HMCN1: variants seen among roughly 807,000 people sequenced by gnomAD.
HMCN1 encodes hemicentin 1.
In HMCN1, 321 loss-of-function variants were observed where a neutral mutation model predicts 625.9. The ratio of observed to expected loss-of-function variants is 0.51; its 90% CI spans 0.47 to 0.56. The LOEUF (loss-of-function observed/expected upper bound fraction) is 0.56, where lower values mean the gene tolerates loss of function less well. Among genes scored for constraint, HMCN1 ranks in the 20% least tolerant of loss-of-function variants. HMCN1 has a pLI of 0.00. For synonymous variants in HMCN1, 2,425 were observed against 2,417.6 expected, an observed-to-expected ratio of 1.00 and a Z score of -0.09; for missense variants, 6,588 against 6,887.3, an observed-to-expected ratio of 0.96 and a Z score of 1.54.
At chr1:185,829,611 G>C (rs1203932369) in intron 1 of HMCN1, among the ~76,000 whole-genome samples, 2 of 152,146 alleles carry the variant, frequency 1.3e-5, no homozygotes, top group Non-Finnish European at 2.9e-5. Context: ...TGGCTGCATA[G>C]TATTCCATGG....
At chr1:186,061,391 T>C (rs938652581) in intron 46 of HMCN1, among the ~76,000 whole-genome samples, 2 of 152,102 alleles carry the variant, frequency 1.3e-5, no homozygotes, top group Admixed American at 6.6e-5. Context: ...GAGAACAGCA[T>C]GTGGGAAACC....
Position 185,909,489 on chromosome 1 carries a change from T to A in HMCN1, c.774T>A (p.Ile258=). The A allele has an allele frequency of 3.1e-6, 5 of 1,613,402 alleles. No individual in the cohort carries two copies. The South Asian group carries it at 5.5e-5, about 18-fold the overall frequency. ...CTTTGAGTGGGCCTTCTCCAATGAT[T>A]GAAATTCGCAATCCTTTAGGTGAGA... ...TVSLSGPSPM[I]EIRNPLGKLI... is the part of the protein sequence containing the mutation. The change falls in exon 5 of 107, where the codon ATT becomes ATA. Residue 258 remains isoleucine, a synonymous_variant. Transcript: ENST00000271588.
chr1:185,887,676 A>C (rs1449906460), intron 4 of HMCN1, among the ~76,000 whole-genome samples: 1 of 144,510 alleles, frequency 6.9e-6, no homozygotes, highest in Admixed American at 6.7e-5. Context: ...CATGGTGTAT[A>C]TGTGCCACAT....
At chr1:185,811,316 A>C (rs1290367018) in intron 1 of HMCN1, among the ~76,000 whole-genome samples, 1 of 152,080 alleles carries the variant, frequency 6.6e-6, no homozygotes, top group East Asian at 1.9e-4. Context: ...TAATACATTG[A>C]TATAGGGCCA....
chr1:186,129,978 G>A lies in HMCN1; in HGVS notation c.12917G>A (p.Ser4306Asn), dbSNP rs745833239. 2.5e-6 allele frequency: 4 copies of A among 1,612,974 alleles called. No individual in the cohort carries two copies. Among genetic ancestry groups the A allele is most frequent in the African/African-American group, 2.7e-5 (2 of 74,968 alleles). Residue 4306 changes from serine to asparagine, a missense_variant, in exon 84 of 107, where the codon AGT (serine) becomes AAT (asparagine). Physicochemically the swap from Ser to Asn is conservative, Grantham distance 46. Transcript: ENST00000271588. Reference protein sequence around the residue: ...NNNIIPAHFDSVNGHSELVIE... With the variant: ...NNNIIPAHFDNVNGHSELVIE... ...TTGTTTCCCTCAGCCCACTTTGACA[G>A]TGTGAATGGACACAGTGAACTTGTT...
At chr1:186,107,155 G>A (rs1024904893) in intron 70 of HMCN1, among the ~76,000 whole-genome samples, 190 bp downstream of exon 70, 11 of 151,810 alleles carry the variant, frequency 7.2e-5, no homozygotes, top group Non-Finnish European at 8.8e-5. Context: ...GCACTATCTC[G>A]GCTCACTGCA....
intron 88 of HMCN1, 57 bp downstream of exon 88, chr1:186,137,725 T>C: frequency 6.2e-7 from 1 of 1,613,890 alleles, no homozygotes; most frequent in Non-Finnish European, 8.5e-7. Context: ...ATTTCTGTCT[T>C]CTACCTATGG....
chr1:186,103,626 A>T lies in HMCN1; in HGVS notation c.10728A>T (p.Gln3576His), dbSNP rs1046434113. ...GRPLPQTDQV[Q>H]TLGGGEVLRI... ...CCCTTCCACAGACGGATCAAGTGCA[A>T]ACTCTAGGAGGAGGAGAGGTTCTTC... Residue 3576 changes from glutamine to histidine, a missense_variant, in exon 69 of 107, where the codon CAA becomes CAT. By Grantham distance (24) the Gln-to-His change is conservative. Coordinates refer to ENST00000271588, the MANE Select transcript of HMCN1 (RefSeq NM_031935.3). 1.9e-6 allele frequency: 3 copies of T among 1,613,734 alleles called. No individual in the cohort carries two copies. The African/African-American group carries it at 4.0e-5, about 22-fold the overall frequency.
chr1:186,015,924 T>C, intron 31 of HMCN1, 34 bp from the exon 32 acceptor site: 1 of 1,591,622 alleles, frequency 6.3e-7, no homozygotes, highest in Non-Finnish European at 8.6e-7. Flanking sequence ...ACCACACAAA[T>C]AATTGCCTGA....
At chr1:186,162,058 A>T (rs925975922) in intron 97 of HMCN1, among the ~76,000 whole-genome samples, 1 of 152,194 alleles carries the variant, frequency 6.6e-6, no homozygotes, top group Non-Finnish European at 1.5e-5. Context: ...AGGTACACCA[A>T]TCAGACGTAG....
intron 11 of HMCN1, among the ~76,000 whole-genome samples, chr1:185,948,501 G>T (rs1362978717): frequency 9.3e-5 from 14 of 151,120 alleles, no homozygotes; most frequent in Admixed American, 7.9e-4. Flanking sequence ...CTCAGTGGGG[G>T]TGCTTTTTGA....
intron 33 of HMCN1, among the ~76,000 whole-genome samples, chr1:186,017,303 AT>A (rs750087817): frequency 2.0e-4 from 31 of 152,170 alleles, no homozygotes; most frequent in Non-Finnish European, 2.9e-4. Context: ...GAAATTACAA[AT>A]TTTGAGGAAT....
rs749198480 is a variant in HMCN1 at position 186,062,602 on chromosome 1, T to A, written c.7513+2T>A. On this transcript the variant is annotated splice_donor_variant, in intron 48 of 106. Coordinates refer to ENST00000271588, the MANE Select transcript of HMCN1 (RefSeq NM_031935.3). LOFTEE classifies it high-confidence loss of function. ...TTACGCTGACTTGTGAAGTGACAGG[T>A]ATGGGCTCAGCTCTCAGACTTTTGG... is the stretch of plus-strand genomic sequence containing the variant. 2 of 1,600,448 alleles carry A rather than the reference T, an allele frequency of 1.2e-6. No homozygotes were observed. The highest frequency in any genetic ancestry group is 1.7e-6 in the Non-Finnish European group (2 of 1,167,804).
At chr1:186,117,431 TC>T (rs752514394) in intron 76 of HMCN1, 27 bp from the exon 77 acceptor site, 1 of 1,610,086 alleles carries the variant, frequency 6.2e-7, no homozygotes, top group South Asian at 1.1e-5. Flanking sequence ...TGTAGTTTTT[TC>T]CCTTTTTGTT....
chr1:185,735,141 A>G, intron 1 of HMCN1, 94 bp downstream of exon 1: 1 of 1,389,886 alleles, frequency 7.2e-7, no homozygotes, highest in Middle Eastern at 1.9e-4. Context: ...AAGTTTCAAA[A>G]CCATTTTAAA....
Position 186,087,947 on chromosome 1 carries a change from C to CA in HMCN1, c.9380dup (p.Tyr3128ValfsTer4). 6.2e-7 allele frequency: 1 copy of CA among 1,612,524 alleles called. No homozygotes were observed. Among genetic ancestry groups the CA allele is most frequent in the Non-Finnish European group, 8.5e-7 (1 of 1,179,046 alleles). On this transcript the variant is annotated frameshift_variant, in exon 61 of 107. Transcript: ENST00000271588. LOFTEE classifies it high-confidence loss of function. ...TTTCTTTTAGGTATCTGACACAGGC[C>CA]AGTATGTATGTAGAGCTATAAATGT...
intron 4 of HMCN1, among the ~76,000 whole-genome samples, chr1:185,893,464 AAGAGTTGGAAAATC>A (rs1665278747): frequency 1.3e-5 from 2 of 152,222 alleles, no homozygotes; most frequent in African/African-American, 4.8e-5. Context: ...ATGGTGTTTT[AAGAGTTGGAAAATC>A]AGTGTGTACT....
chr1:185,924,466 C>T (rs1029488326), intron 8 of HMCN1, among the ~76,000 whole-genome samples: 5 of 151,644 alleles, frequency 3.3e-5, no homozygotes, highest in Middle Eastern at 3.4e-3. Flanking sequence ...GGTGGAGGGA[C>T]GAAAATTTAT....
At chr1:186,156,588 C>T (rs746582843) in intron 97 of HMCN1, among the ~76,000 whole-genome samples, 17 of 152,314 alleles carry the variant, frequency 1.1e-4, no homozygotes, top group Admixed American at 2.6e-4. Context: ...CTGGAAGGCA[C>T]TGTGTCTCCA....
Sources: gnomAD v4.1 joint callset for allele counts (sites outside exome capture counted in the v4.1 genomes callset) on GRCh38, gnomAD v4.1.1 for gene constraint, MANE v1.5 for transcripts, NCBI Gene and HGNC (gene_info 2026-07-23, HGNC 2026-07-21) for gene names.